The following MAGI2 variants were observed in gnomAD, a reference collection of about 807,000 sequenced individuals.
MAGI2 encodes the protein membrane associated guanylate kinase, WW and PDZ domain containing 2, also known as membrane-associated guanylate kinase, WW and PDZ domain-containing protein 2.
A neutral mutation model predicts 133.3 loss-of-function variants in MAGI2; 35 were observed. That is an observed-to-expected ratio of 0.26 (90% CI 0.20 to 0.35). The LOEUF is 0.35. Among genes scored for constraint, MAGI2 ranks in the 10% least tolerant of loss-of-function variants. The pLI is 1.00. For synonymous variants in MAGI2, 729 were observed against 710.6 expected (o/e 1.03, Z -0.41); for missense variants, 1,636 against 1,863.4 (o/e 0.88, Z 2.25).
At chr7:78,655,980 C>CAAAAAAAAA (rs774125665) in intron 2 of MAGI2, among the ~76,000 whole-genome samples, 5 of 60,954 alleles carry the variant, frequency 8.2e-5, no homozygotes, top group Non-Finnish European at 8.9e-5. Flanking sequence ...GACTCCGTCT[C>CAAAAAAAAA]AAAAAAAAAA....
chr7:78,068,609 C>CT (rs1814108965), intron 21 of MAGI2, among the ~76,000 whole-genome samples: 1 of 151,994 alleles, frequency 6.6e-6, no homozygotes, highest in South Asian at 2.1e-4. Context: ...AAAATCAAGT[C>CT]TTAAAAAAAG....
At chr7:78,499,237 G>T (rs149868434) in intron 5 of MAGI2, among the ~76,000 whole-genome samples, 28 of 152,312 alleles carry the variant, frequency 1.8e-4, no homozygotes, top group African/African-American at 6.7e-4. Context: ...TGTAATGACA[G>T]CTCCCATACC....
chr7:79,115,104 G>T (rs1161732985), intron 1 of MAGI2, among the ~76,000 whole-genome samples: 1 of 152,200 alleles, frequency 6.6e-6, no homozygotes, highest in East Asian at 1.9e-4. Context: ...TGTGCAAGAG[G>T]ATCGGGGGAG....
intron 6 of MAGI2, among the ~76,000 whole-genome samples, chr7:78,472,457 AAGGC>A (rs1418506707): frequency 6.6e-6 from 1 of 152,100 alleles, no homozygotes; most frequent in Non-Finnish European, 1.5e-5. Flanking sequence ...TGTTTTCCCC[AAGGC>A]AGTAAAGGAG....
intron 2 of MAGI2, among the ~76,000 whole-genome samples, chr7:78,922,296 G>A (rs974968756): frequency 2.0e-5 from 3 of 151,308 alleles, no homozygotes; most frequent in Non-Finnish European, 2.9e-5. Flanking sequence ...CACCCATTAA[G>A]TCGTCATTTA....
intron 21 of MAGI2, among the ~76,000 whole-genome samples, chr7:78,025,644 G>A (rs964805009): frequency 1.3e-5 from 2 of 152,180 alleles, no homozygotes; most frequent in Non-Finnish European, 2.9e-5. Flanking sequence ...AAACAGGTTT[G>A]TATTTGGAAC....
intron 2 of MAGI2, among the ~76,000 whole-genome samples, chr7:78,779,535 T>C (rs534415420): frequency 2.2e-4 from 33 of 152,282 alleles, no homozygotes; most frequent in African/African-American, 7.7e-4. Context: ...AGACCAGAAG[T>C]TGGTACCACA....
chr7:79,148,151 A>G (rs944684082), intron 1 of MAGI2, among the ~76,000 whole-genome samples: 2 of 152,186 alleles, frequency 1.3e-5, no homozygotes, highest in Non-Finnish European at 2.9e-5. Flanking sequence ...ACAGCTCTTC[A>G]TGACTGCTCC....
In MAGI2 at chr7:78,911,352, G is replaced by A. The variant is rs1798384673; in HGVS notation, c.418+95738C>T. On this transcript the variant is annotated intron_variant, in intron 2 of 21. Coordinates refer to ENST00000354212, the MANE Select transcript of MAGI2 (RefSeq NM_012301.4). ...TATATGTTGAAATTCTAACCCCAAG[G>A]TGGAGGTATTAAGAAGTGAGGCCTT... 2.0e-5 allele frequency among the ~76,000 whole-genome samples: 3 copies of A among 152,272 alleles called. No homozygotes were observed. The South Asian group carries it at 6.2e-4, about 32-fold the overall frequency.
At chr7:78,047,734 G>A (rs115687804) in intron 21 of MAGI2, among the ~76,000 whole-genome samples, 2,280 of 152,302 alleles carry the variant, frequency 0.015, 63 homozygotes, top group African/African-American at 0.052. Context: ...TCTTGCCTCT[G>A]TGGATGGCCT....
At chr7:78,371,688 C>T (rs1276891160) in intron 6 of MAGI2, among the ~76,000 whole-genome samples, 1 of 151,970 alleles carries the variant, frequency 6.6e-6, no homozygotes, top group Non-Finnish European at 1.5e-5. Context: ...ATATATTATA[C>T]TGTCCCACTT....
At chr7:78,265,373 C>T (rs1793895866) in intron 9 of MAGI2, among the ~76,000 whole-genome samples, 1 of 152,132 alleles carries the variant, frequency 6.6e-6, no homozygotes, top group African/African-American at 2.4e-5. Context: ...TGCAAAGCTC[C>T]AAAAAGCACT....
chr7:78,209,301 G>A (rs1234252905), intron 10 of MAGI2, among the ~76,000 whole-genome samples: 7 of 123,576 alleles, frequency 5.7e-5, no homozygotes, highest in African/African-American at 1.2e-4. Context: ...TCGCTCTGTT[G>A]CCCAGGCTGG....
intron 1 of MAGI2, among the ~76,000 whole-genome samples, chr7:79,389,697 G>T (rs1844457444): frequency 6.6e-6 from 1 of 151,986 alleles, no homozygotes; most frequent in African/African-American, 2.4e-5. Flanking sequence ...TGACTTAAAA[G>T]TTGCAATAGA....
intron 9 of MAGI2, among the ~76,000 whole-genome samples, chr7:78,287,732 G>A (rs150168321): frequency 1.3e-5 from 2 of 152,072 alleles, no homozygotes; most frequent in African/African-American, 4.8e-5. Flanking sequence ...TCATATTTTA[G>A]GCTAGAATAG....
intron 2 of MAGI2, among the ~76,000 whole-genome samples, chr7:78,995,276 G>A (rs1806179194): frequency 6.6e-6 from 1 of 152,060 alleles, no homozygotes; most frequent in Admixed American, 6.6e-5. Flanking sequence ...ATGGGCTGTG[G>A]GTTGGGTAAG....
chr7:78,728,378 A>T (rs1484845622), intron 2 of MAGI2, among the ~76,000 whole-genome samples: 1 of 152,170 alleles, frequency 6.6e-6, no homozygotes, highest in African/African-American at 2.4e-5. Context: ...CGCATGAATT[A>T]GCAGTAAACA....
intron 1 of MAGI2, among the ~76,000 whole-genome samples, chr7:79,342,686 T>C (rs1213071236): frequency 6.6e-6 from 1 of 152,176 alleles, no homozygotes; most frequent in Non-Finnish European, 1.5e-5. Context: ...TTTTTCTTCA[T>C]GTTCAAAACA....
intron 2 of MAGI2, among the ~76,000 whole-genome samples, chr7:78,924,062 T>C (rs1160415894): frequency 6.6e-6 from 1 of 152,210 alleles, no homozygotes; most frequent in Non-Finnish European, 1.5e-5. Flanking sequence ...GAGAATTTGC[T>C]GAAGTTGCTT....
Sources: gnomAD v4.1 joint callset for allele counts (sites outside exome capture counted in the v4.1 genomes callset) on GRCh38, gnomAD v4.1.1 for gene constraint, MANE v1.5 for transcripts, NCBI Gene and HGNC (gene_info 2026-07-23, HGNC 2026-07-21) for gene names.